The following FHAD1 variants were observed in gnomAD, a reference collection of about 807,000 sequenced individuals.
The protein encoded by FHAD1 is forkhead associated phosphopeptide binding domain 1, also known as forkhead-associated domain-containing protein 1.
In FHAD1, 146 loss-of-function variants were observed where a neutral mutation model predicts 191.3. The observed-to-expected ratio is 0.76, with a 90% CI of 0.67 to 0.88. The LOEUF (loss-of-function observed/expected upper bound fraction) is 0.88. Ranked by LOEUF, FHAD1 falls within the 40% of genes least tolerant of loss-of-function variation. The pLI is 0.00. For missense variants in FHAD1, 1,635 were observed against 1,785.8 expected (o/e 0.92, Z 1.52); for synonymous variants, 616 against 672.3 (o/e 0.92, Z 1.29).
chr1:15,390,280 G>T (rs868271114), intron 32 of FHAD1, among the ~76,000 whole-genome samples: 6 of 146,376 alleles, frequency 4.1e-5, no homozygotes, highest in African/African-American at 7.8e-5. Flanking sequence ...GGGAGGCAAA[G>T]GTTGCAGTGA....
chr1:15,278,167 G>GTGTT (rs201457176), intron 3 of FHAD1, among the ~76,000 whole-genome samples: 5 of 127,460 alleles, frequency 3.9e-5, no homozygotes, highest in Admixed American at 7.8e-5. Flanking sequence ...ATGCCCACCA[G>GTGTT]TGTTTTTCTG....
At chr1:15,355,354 A>G (rs751459117) in intron 20 of FHAD1, among the ~76,000 whole-genome samples, 1 of 152,224 alleles carries the variant, frequency 6.6e-6, no homozygotes, top group Non-Finnish European at 1.5e-5. Context: ...AGTCAGGCAG[A>G]GAGTTGCTTG....
At position 15,241,656 on chromosome 1, in the gene FHAD1, AAAC is replaced by A. The variant is rs374994641; in HGVS notation, c.-15+4901_-15+4903del. ...GCAAAAGTCTTGTCTCAAAAAAAAC[AAAC>A]AACAAAAAAACAAACAAACAAAAAA... is the stretch of plus-strand genomic sequence containing the variant. On this transcript the variant is annotated intron_variant, in intron 1 of 33. Transcript: ENST00000683790. 1.2e-3 allele frequency among the ~76,000 whole-genome samples: 131 copies of A among 112,270 alleles called. 1 individual carries two copies. Among genetic ancestry groups the A allele is most frequent in the African/African-American group, 3.6e-3 (98 of 27,344 alleles). The allele number at this position is 112,270 out of a possible 152,430, so 73.7% of individuals were successfully genotyped here. A position where few individuals can be genotyped will look rare whatever the true frequency, so the allele number is the denominator to read the frequency against.
intron 2 of FHAD1, among the ~76,000 whole-genome samples, chr1:15,257,741 A>G (rs1351897509): frequency 1.3e-5 from 2 of 152,174 alleles, no homozygotes; most frequent in African/African-American, 4.8e-5. Flanking sequence ...AAAGGACTAG[A>G]TCATCATCTC....
downstream of FHAD1, chr1:15,400,189 C>T (rs986559223): frequency 4.6e-5 from 7 of 152,202 alleles, no homozygotes; most frequent in Non-Finnish European, 1.0e-4. Flanking sequence ...CCTGGGTGAG[C>T]CTTCTCTGAG....
intron 11 of FHAD1, chr1:15,324,810 A>G (rs1677700882): frequency 2.0e-6 from 1 of 500,494 alleles, no homozygotes; most frequent in Non-Finnish European, 3.6e-6. Flanking sequence ...CAGGCAGCCA[A>G]TCCCGGCTCG....
intron 25 of FHAD1, 84 bp from the exon 26 acceptor site, chr1:15,369,286 G>T: frequency 1.4e-6 from 2 of 1,382,482 alleles, no homozygotes; most frequent in Middle Eastern, 1.8e-4. Context: ...TAAAAATAGA[G>T]CTCCATGTCC....
At chr1:15,344,252 C>T (rs1160670769) in intron 16 of FHAD1, among the ~76,000 whole-genome samples, 1 of 152,208 alleles carries the variant, frequency 6.6e-6, no homozygotes, top group Non-Finnish European at 1.5e-5. Flanking sequence ...ACTCCCATCA[C>T]CTGCCCTTTC....
intron 4 of FHAD1, among the ~76,000 whole-genome samples, chr1:15,294,849 G>A (rs1666385270): frequency 6.6e-6 from 1 of 152,104 alleles, no homozygotes; most frequent in Non-Finnish European, 1.5e-5. Context: ...CAAGGCCCCC[G>A]TCTTGGTGGT....
Position 15,289,454 on chromosome 1 carries a change from G to T in FHAD1, c.356G>T (p.Arg119Leu), listed in dbSNP as rs764090587. 1.3e-6 allele frequency: 2 copies of T among 1,551,624 alleles called. No homozygotes were observed. The highest frequency in any genetic ancestry group is 1.7e-6 in the Non-Finnish European group (2 of 1,147,024). The stretch of plus-strand genomic sequence containing the variant: ...CCATGGCCAGGGCCACAGCCACCTC[G>T]TGCCACACAGCAGCCAAACCAGGCC... The part of the protein sequence containing the change: ...PAPWPGPQPP[R>L]ATQQPNQAPP... Residue 119 changes from arginine (R) to leucine (L), a missense_variant, in exon 4 of 34, where the codon CGT becomes CTT. By Grantham distance (102) the Arg-to-Leu change is moderately radical (BLOSUM62 -2). Transcript: ENST00000688493. The surrounding 1 kb of genome is among the most constrained non-coding windows in gnomAD (Gnocchi z 4.2).
At chr1:15,345,275 G>A in intron 17 of FHAD1, 85 bp downstream of exon 17, 1 of 1,377,596 alleles carries the variant, frequency 7.3e-7, no homozygotes, top group South Asian at 1.3e-5. Flanking sequence ...GGGCCCGCCG[G>A]CTCTGAGCTC....
intron 4 of FHAD1, among the ~76,000 whole-genome samples, chr1:15,290,933 C>G (rs1045828365): frequency 2.0e-5 from 3 of 152,030 alleles, no homozygotes; most frequent in African/African-American, 7.3e-5. Flanking sequence ...CCAGGATGGT[C>G]TTGATCTCCT....
In FHAD1 at chr1:15,312,319, C is replaced by CT. The variant is rs1319048819; in HGVS notation, c.1040-735dup. On this transcript the variant is annotated intron_variant, in intron 7 of 33. Transcript: ENST00000688493. The surrounding 1 kb of genome is among the most constrained non-coding windows in gnomAD (Gnocchi z 4.7). ...TATGTGTTAGCCACTCTACTATGTT[C>CT]TTTATACAACTCTGTAGATACAATG... 6.6e-6 allele frequency: 1 copy of CT among 152,238 alleles called. No individual in the cohort carries two copies. The highest frequency in any genetic ancestry group is 2.4e-5 in the African/African-American group (1 of 41,454). The allele number at this position is 152,238 out of a possible 1,614,324, so 9.4% of individuals were successfully genotyped here.
chr1:15,328,241 CTT>C (rs144888008), intron 12 of FHAD1, 34 bp from the exon 13 acceptor site: 2,533 of 1,208,640 alleles, frequency 2.1e-3, no homozygotes, highest in East Asian at 5.9e-3. Context: ...TATGTTACAT[CTT>C]TTTTTTTTTT....
At chr1:15,275,294 A>T (rs1657907139) in intron 3 of FHAD1, among the ~76,000 whole-genome samples, 1 of 152,248 alleles carries the variant, frequency 6.6e-6, no homozygotes. Context: ...ACTTGGCTGT[A>T]CATGAATTTT....
chr1:15,347,188 G>A (rs901985441), intron 18 of FHAD1, among the ~76,000 whole-genome samples: 2 of 152,224 alleles, frequency 1.3e-5, no homozygotes, highest in Non-Finnish European at 2.9e-5. Flanking sequence ...GATTTCTCCA[G>A]GGGTGGGGAT....
intron 14 of FHAD1, chr1:15,335,414 A>G (rs943592074): frequency 1.3e-5 from 2 of 152,034 alleles, no homozygotes; most frequent in East Asian, 3.9e-4. Flanking sequence ...TCACTCAACT[A>G]TCCAAGATAC....
chr1:15,322,018 T>G (rs1222253487), intron 10 of FHAD1, among the ~76,000 whole-genome samples: 1 of 152,268 alleles, frequency 6.6e-6, no homozygotes, highest in Non-Finnish European at 1.5e-5. Flanking sequence ...ACCTAACTAT[T>G]GCACCATTGT....
chr1:15,263,067 C>T (rs905826992), intron 2 of FHAD1, among the ~76,000 whole-genome samples: 1 of 152,098 alleles, frequency 6.6e-6, no homozygotes, highest in Non-Finnish European at 1.5e-5. Flanking sequence ...CTTGAGCATT[C>T]TTCTCATATA....
Sources: gnomAD v4.1 joint callset for allele counts (sites outside exome capture counted in the v4.1 genomes callset) on GRCh38, gnomAD v4.1.1 for gene constraint, Gnocchi (gnomAD v3.1) non-coding constraint, MANE v1.5 for transcripts, NCBI Gene and HGNC (gene_info 2026-07-23, HGNC 2026-07-21) for gene names.